MGAT4C: variants seen among roughly 807,000 people sequenced by gnomAD.
MGAT4C encodes the protein alpha-1,3-mannosyl-glycoprotein 4-beta-N-acetylglucosaminyltransferase C.
MGAT4C carries 19 observed loss-of-function variants against 40.1 expected under a neutral mutation model. That is an observed-to-expected ratio of 0.47 (90% CI 0.33 to 0.70). The LOEUF (loss-of-function observed/expected upper bound fraction) is 0.70, where lower values mean the gene tolerates loss of function less well. Ranked by LOEUF, MGAT4C falls within the 30% of genes least tolerant of loss-of-function variation. The pLI, the probability that MGAT4C is intolerant of heterozygous loss-of-function variation, is 0.02. For missense variants in MGAT4C, 491 were observed against 563.2 expected, an observed-to-expected ratio of 0.87 and a Z score of 1.30; for synonymous variants, 181 against 187.1, an observed-to-expected ratio of 0.97 and a Z score of 0.27.
In MGAT4C at chr12:86,498,499, A is replaced by T. The variant is rs376668958; in HGVS notation, c.-228-63234T>A. 7.2e-5 allele frequency among the ~76,000 whole-genome samples: 11 copies of T among 152,086 alleles called. No individual in the cohort carries two copies. The East Asian group carries it at 2.1e-3, about 29-fold the overall frequency. ...ATTTTATCATTTAGTACCATCAAAT[A>T]TACACAATATCTATTACAAAAGTAA... On this transcript the variant is annotated intron_variant, in intron 2 of 7. Coordinates refer to the MGAT4C transcript ENST00000548651.
intron 1 of MGAT4C, among the ~76,000 whole-genome samples, chr12:86,812,981 C>T (rs1006704569): frequency 3.3e-5 from 5 of 152,040 alleles, no homozygotes; most frequent in African/African-American, 7.2e-5. Flanking sequence ...AGATAGGATG[C>T]CTACTTTTAC....
chr12:86,798,100 C>G (rs1319037514), intron 1 of MGAT4C, among the ~76,000 whole-genome samples: 1 of 151,854 alleles, frequency 6.6e-6, no homozygotes, highest in Non-Finnish European at 1.5e-5. Context: ...ACATACAACC[C>G]TTTGTTGACT....
At chr12:86,830,419 T>A (rs982018621) in intron 1 of MGAT4C, among the ~76,000 whole-genome samples, 7 of 151,830 alleles carry the variant, frequency 4.6e-5, no homozygotes, top group African/African-American at 1.7e-4. Flanking sequence ...TATGTATTTA[T>A]CTGTTTAAGT....
At chr12:86,471,152 A>T (rs1379855557) in intron 2 of MGAT4C, among the ~76,000 whole-genome samples, 3 of 152,082 alleles carry the variant, frequency 2.0e-5, no homozygotes, top group Non-Finnish European at 4.4e-5. Context: ...AACTAACACC[A>T]GGGGGAAATA....
intron 1 of MGAT4C, among the ~76,000 whole-genome samples, chr12:86,125,659 G>A (rs1880114723): frequency 6.6e-6 from 1 of 152,104 alleles, no homozygotes; most frequent in South Asian, 2.1e-4. Context: ...ACAATAAACA[G>A]GAGGGCATTT....
intron 2 of MGAT4C, among the ~76,000 whole-genome samples, chr12:86,523,771 G>C (rs979848071): frequency 4.6e-5 from 7 of 152,184 alleles, no homozygotes; most frequent in Admixed American, 4.6e-4. Flanking sequence ...AGGTGCTACT[G>C]TGTTGGATGC....
At chr12:86,587,547 G>C (rs987339718) in intron 2 of MGAT4C, among the ~76,000 whole-genome samples, 2 of 152,024 alleles carry the variant, frequency 1.3e-5, no homozygotes, top group Non-Finnish European at 2.9e-5. Context: ...GGGCAGTATG[G>C]CCATTTTCAC....
rs1238574099 is a variant in MGAT4C, at chr12:85,972,285, A to G, written c.*7004T>C. 2.0e-5 allele frequency: 3 copies of G among 151,038 alleles called. No homozygotes were observed. Among genetic ancestry groups the G allele is most frequent in the African/African-American group, 7.3e-5 (3 of 41,332 alleles). 9.4% of individuals were successfully genotyped at this position (151,038 alleles called of 1,614,324 possible). A position where few individuals can be genotyped will look rare whatever the true frequency, so the allele number is the denominator to read the frequency against. On this transcript the variant is annotated 3_prime_UTR_variant, in exon 5 of 5. Transcript: ENST00000611864. ...GAGAAGTTACAACTGCATTAATAGGATTTTAATTTTTATTCAAAATGGACA... is the reference window on the plus strand; with the variant it reads ...GAGAAGTTACAACTGCATTAATAGGGTTTTAATTTTTATTCAAAATGGACA...
intron 1 of MGAT4C, among the ~76,000 whole-genome samples, chr12:86,140,531 A>T: frequency 6.6e-6 from 1 of 152,128 alleles, no homozygotes; most frequent in East Asian, 1.9e-4. Flanking sequence ...TAGAGGAGGG[A>T]TAGCATTAGG....
intron 4 of MGAT4C, among the ~76,000 whole-genome samples, chr12:86,269,025 T>G (rs1395074783): frequency 1.7e-5 from 1 of 59,690 alleles, no homozygotes; most frequent in Admixed American, 2.0e-4. Context: ...TATATATATA[T>G]ATATATATAT....
chr12:86,343,613 T>C (rs1196844631), intron 3 of MGAT4C, among the ~76,000 whole-genome samples: 2 of 152,274 alleles, frequency 1.3e-5, no homozygotes, highest in Non-Finnish European at 1.5e-5. Context: ...AGAAATGCAT[T>C]GTGTAAAACC....
At chr12:86,703,530 G>A (rs568198705) in intron 2 of MGAT4C, among the ~76,000 whole-genome samples, 1 of 152,256 alleles carries the variant, frequency 6.6e-6, no homozygotes, top group South Asian at 2.1e-4. Flanking sequence ...TCAACTCACT[G>A]AAGGCCCAAA....
chr12:86,084,310 A>C (rs567494219), intron 1 of MGAT4C, among the ~76,000 whole-genome samples: 1 of 152,048 alleles, frequency 6.6e-6, no homozygotes, highest in Non-Finnish European at 1.5e-5. Flanking sequence ...TGAAGTGTGA[A>C]ATTAATTTTC....
chr12:86,505,017 C>T (rs1042975839), intron 2 of MGAT4C, among the ~76,000 whole-genome samples: 1 of 152,112 alleles, frequency 6.6e-6, no homozygotes, highest in African/African-American at 2.4e-5. Context: ...CACAGAAGAC[C>T]TAGCAAGTGT....
At chr12:86,100,545 GT>G (rs1237057671) in intron 1 of MGAT4C, among the ~76,000 whole-genome samples, 2 of 150,910 alleles carry the variant, frequency 1.3e-5, no homozygotes, top group Non-Finnish European at 3.0e-5. Flanking sequence ...TATAACATTT[GT>G]TAATTAAAAA....
intron 2 of MGAT4C, among the ~76,000 whole-genome samples, chr12:86,535,706 A>G (rs555411561): frequency 1.3e-5 from 2 of 152,250 alleles, no homozygotes; most frequent in South Asian, 2.1e-4. Flanking sequence ...GAGCATTCCA[A>G]TGAAATCACT....
At position 86,315,887 on chromosome 12, in the gene MGAT4C, G is replaced by C. The variant is rs553754379; in HGVS notation, c.-57+18178C>G. ...ACTAAAGAGACTCTGCACAGCAAAA[G>C]AAACGATTAACAGAGTACACAGATA... On this transcript the variant is annotated intron_variant, in intron 4 of 7. Coordinates refer to the MGAT4C transcript ENST00000548651. Among the ~76,000 whole-genome samples the C allele has an allele frequency of 3.3e-5, 5 of 151,662 alleles. No homozygotes were observed. In the East Asian group the frequency reaches 7.8e-4, roughly 24 times the overall value.
chr12:86,554,489 T>G (rs906448981), intron 2 of MGAT4C, among the ~76,000 whole-genome samples: 1 of 152,216 alleles, frequency 6.6e-6, no homozygotes, highest in Non-Finnish European at 1.5e-5. Context: ...AGTCTGTGTA[T>G]CCTTTTCACA....
intron 2 of MGAT4C, among the ~76,000 whole-genome samples, chr12:86,471,456 C>T (rs921346942): frequency 6.6e-6 from 1 of 151,426 alleles, no homozygotes; most frequent in Non-Finnish European, 1.5e-5. Context: ...TATTGCAATC[C>T]CTAGGAAAAA....
Sources: allele counts gnomAD v4.1 joint callset (sites outside exome capture counted in the v4.1 genomes callset), GRCh38; gene constraint gnomAD v4.1.1; transcripts MANE v1.5; gene names NCBI Gene and HGNC (gene_info 2026-07-23, HGNC 2026-07-21).